Variants in MACF1 observed in about 807,000 individuals in gnomAD.
The protein encoded by MACF1 is microtubule actin crosslinking factor 1.
A neutral mutation model predicts 854.8 loss-of-function variants in MACF1; 193 were observed. The observed-to-expected ratio is 0.23, with a 90% CI of 0.20 to 0.25. The LOEUF (loss-of-function observed/expected upper bound fraction) is 0.25, where lower values mean the gene tolerates loss of function less well. Among genes scored for constraint, MACF1 ranks in the 10% least tolerant of loss-of-function variants. The pLI, the probability that MACF1 is intolerant of heterozygous loss-of-function variation, is 1.00. For synonymous variants in MACF1, 3,185 were observed against 3,226.7 expected (o/e 0.99, Z 0.44); for missense variants, 7,722 against 8,929.1 (o/e 0.86, Z 5.45).
Position 39,468,595 on chromosome 1 carries a change from A to G in MACF1, c.21772-20A>G. ...TGCTTTAAGACATATATATTAATTA[A>G]GTTTCCTTTGATTCTACAGTTTGGG... is the stretch of plus-strand genomic sequence containing the variant. On this transcript the variant is annotated intron_variant, in intron 95 of 100. Coordinates refer to ENST00000564288, the MANE Select transcript of MACF1 (RefSeq NM_001394062.1). 1 of 1,589,904 alleles carries G rather than the reference A, an allele frequency of 6.3e-7. No individual in the cohort carries two copies. Among genetic ancestry groups the G allele is most frequent in the South Asian group, 1.1e-5 (1 of 90,518 alleles).
rs763684681 is a variant in MACF1 at position 39,322,594 on chromosome 1, T to A, written c.4030-14T>A. 9 of 1,600,474 alleles carry A rather than the reference T, an allele frequency of 5.6e-6. No homozygotes were observed. The highest frequency in any genetic ancestry group is 7.7e-6 in the Non-Finnish European group (9 of 1,167,730). On this transcript the variant is annotated splice_polypyrimidine_tract_variant and intron_variant, in intron 31 of 100. Transcript: ENST00000564288. Reference sequence around the variant, plus strand: ...AAACCCTGAGTAACTGTAGCGAAATTCATCCTTTCCTAGGACTATGAATTG... The same window carrying A: ...AAACCCTGAGTAACTGTAGCGAAATACATCCTTTCCTAGGACTATGAATTG...
intron 63 of MACF1, among the ~76,000 whole-genome samples, chr1:39,428,840 A>C (rs1194403284): frequency 6.6e-6 from 1 of 152,166 alleles, no homozygotes; most frequent in Non-Finnish European, 1.5e-5. Context: ...TTAAATATGA[A>C]GAGAGTTTTT....
intron 1 of MACF1, among the ~76,000 whole-genome samples, chr1:39,217,876 C>A (rs780417579): frequency 1.6e-5 from 2 of 126,200 alleles, no homozygotes; most frequent in African/African-American, 3.3e-5. Flanking sequence ...GAGCAAGACC[C>A]TGTCTCAAAA....
chr1:39,365,668 A>T (rs1018077973), intron 49 of MACF1, among the ~76,000 whole-genome samples: 1 of 150,942 alleles, frequency 6.6e-6, no homozygotes, highest in Non-Finnish European at 1.5e-5. Flanking sequence ...CTATTTCTGG[A>T]TTTTCTTTTT....
chr1:39,187,552 T>A (rs1436484971), intron 2 of MACF1, among the ~76,000 whole-genome samples: 1 of 152,202 alleles, frequency 6.6e-6, no homozygotes, highest in Non-Finnish European at 1.5e-5. Flanking sequence ...ACTCCATTTT[T>A]TCATTGTGGT....
chr1:39,107,518 C>G (rs991467763), intron 2 of MACF1, among the ~76,000 whole-genome samples: 1 of 152,104 alleles, frequency 6.6e-6, no homozygotes, highest in Admixed American at 6.5e-5. Flanking sequence ...CTGATCGGTG[C>G]AGAACAATCT....
intron 63 of MACF1, 75 bp downstream of exon 63, chr1:39,428,362 A>AT (rs540111475): frequency 1.3e-3 from 1,760 of 1,357,650 alleles, no homozygotes; most frequent in Non-Finnish European, 1.5e-3. Flanking sequence ...CTCTTCATTT[A>AT]TTTTTTTTTC....
At chr1:39,331,007 G>A in intron 36 of MACF1, 196 bp from the exon 37 acceptor site, 3 of 609,930 alleles carry the variant, frequency 4.9e-6, no homozygotes, top group East Asian at 3.4e-5. Context: ...CACCATGTTG[G>A]TCAGGCTGGT....
intron 2 of MACF1, among the ~76,000 whole-genome samples, chr1:39,161,913 C>T (rs1412331656): frequency 2.0e-5 from 3 of 150,952 alleles, no homozygotes; most frequent in African/African-American, 4.9e-5. Flanking sequence ...AAAAACTAGC[C>T]GGGCATGATG....
chr1:39,288,775 G>A (rs1228600852), intron 15 of MACF1, among the ~76,000 whole-genome samples: 2 of 152,298 alleles, frequency 1.3e-5, no homozygotes, highest in East Asian at 3.9e-4. Context: ...CTGGGCAACA[G>A]AGCAATACCC....
At chr1:39,189,062 C>A (rs1404245411) in intron 2 of MACF1, among the ~76,000 whole-genome samples, 3 of 152,196 alleles carry the variant, frequency 2.0e-5, no homozygotes, top group Non-Finnish European at 4.4e-5. Flanking sequence ...ATTTAATATC[C>A]CTGTTTTCAC....
At chr1:39,146,272 A>G (rs759118412) in intron 2 of MACF1, among the ~76,000 whole-genome samples, 4 of 152,012 alleles carry the variant, frequency 2.6e-5, no homozygotes, top group Non-Finnish European at 4.4e-5. Context: ...GCGAAACCCC[A>G]TCTCTACTAA....
chr1:39,325,235 A>G (rs1646587269), intron 35 of MACF1, among the ~76,000 whole-genome samples: 1 of 152,228 alleles, frequency 6.6e-6, no homozygotes, highest in Admixed American at 6.5e-5. Flanking sequence ...CAGAGAAGGA[A>G]AAGGAAAATT....
intron 58 of MACF1, among the ~76,000 whole-genome samples, chr1:39,389,865 A>C (rs1220849685): frequency 6.6e-6 from 1 of 152,224 alleles, no homozygotes; most frequent in Non-Finnish European, 1.5e-5. Flanking sequence ...CAGCTTAATA[A>C]TACATCCCAG....
In MACF1 at chr1:39,238,713, G is replaced by A. The variant is rs115801583; in HGVS notation, c.171+7470G>A. ...ACACATCATAGCATTGTTAGAAATT[G>A]GAGGCCAGCCAAAGCTTTTCTTAAA... On this transcript the variant is annotated intron_variant, in intron 2 of 100. Transcript: ENST00000564288. Among the ~76,000 whole-genome samples the A allele has an allele frequency of 5.9e-3, 893 of 152,312 alleles. 11 individuals carry two copies. The highest frequency in any genetic ancestry group is 0.02 in the African/African-American group (835 of 41,560).
chr1:39,203,585 C>G (rs1219338479), upstream of MACF1, among the ~76,000 whole-genome samples: 1 of 152,198 alleles, frequency 6.6e-6, no homozygotes, highest in Non-Finnish European at 1.5e-5. Flanking sequence ...CATCCTCTTA[C>G]AGTTATTTTG....
At chr1:39,309,720 G>A (rs765887229) in intron 24 of MACF1, 24 bp downstream of exon 24, 3 of 1,598,104 alleles carry the variant, frequency 1.9e-6, no homozygotes, top group African/African-American at 2.7e-5. Flanking sequence ...CCTTACCCCA[G>A]GCTTACATTC....
chr1:39,231,255 T>G lies in MACF1; in HGVS notation c.171+12T>G. The G allele has an allele frequency of 6.2e-7, 1 of 1,612,952 alleles. No individual in the cohort carries two copies. The highest frequency in any genetic ancestry group is 1.1e-5 in the South Asian group (1 of 91,056). On this transcript the variant is annotated intron_variant, in intron 2 of 100. Transcript: ENST00000564288. ...AGCACTTAATGAAGGTAGGACCCTT[T>G]CATATATATGCTGCCCCAGCACCTC...
chr1:39,204,833 A>G lies in MACF1; in HGVS notation c.-190A>G, dbSNP rs1644432073. ...CACTGTACAGTTTTAGTCCCAGTCT[A>G]CTAGCGCCTGCTGAAAAACAGTCAG... is the stretch of plus-strand genomic sequence containing the variant. On this transcript the variant is annotated 5_prime_UTR_variant, in exon 1 of 101. Coordinates refer to ENST00000564288, the MANE Select transcript of MACF1 (RefSeq NM_001394062.1). The G allele has an allele frequency of 3.4e-6, 2 of 587,266 alleles. No individual in the cohort carries two copies. The highest frequency in any genetic ancestry group is 1.9e-5 in the African/African-American group (1 of 53,498). 36.4% of individuals were successfully genotyped at this position (587,266 alleles called of 1,614,324 possible). A position where few individuals can be genotyped will look rare whatever the true frequency, so the allele number is the denominator to read the frequency against.
Sources: gnomAD v4.1 joint callset for allele counts (sites outside exome capture counted in the v4.1 genomes callset) on GRCh38, gnomAD v4.1.1 for gene constraint, MANE v1.5 for transcripts, NCBI Gene and HGNC (gene_info 2026-07-23, HGNC 2026-07-21) for gene names.